VAMP1: variants seen among roughly 807,000 people sequenced by gnomAD.
VAMP1 encodes the protein vesicle-associated membrane protein 1.
Under a neutral mutation model 19.1 loss-of-function variants are expected in VAMP1, and 16 were observed. That is an observed-to-expected ratio of 0.84 (90% CI 0.57 to 1.27). The LOEUF (loss-of-function observed/expected upper bound fraction) is 1.27. Among genes scored for constraint, VAMP1 ranks in the 50% most tolerant of loss-of-function variants. The probability of loss-of-function intolerance (pLI) is 0.00; values close to 1 mark genes in which losing one functional copy is unlikely to be tolerated. For missense variants in VAMP1, 109 were observed against 145.4 expected (o/e 0.75, Z 1.29); for synonymous variants, 37 against 50.2 (o/e 0.74, Z 1.11).
intron 4 of VAMP1, 49 bp from the exon 5 acceptor site, chr12:6,464,535 G>C: frequency 6.8e-7 from 1 of 1,471,096 alleles, no homozygotes; most frequent in Admixed American, 2.7e-5. Flanking sequence ...AAAGAGACAG[G>C]AGAAAACAAG....
At position 6,470,594 on chromosome 12, in the gene VAMP1, G is replaced by C. The variant is rs1480142434; in HGVS notation, c.-63C>G. ...GAGGCTGCGGCGAGACACCCGGTGA[G>C]GGACGCTGCGGCTGAAGTGGACGGA... On this transcript the variant is annotated 5_prime_UTR_variant, in exon 1 of 5. Transcript: ENST00000396308. The C allele has an allele frequency of 6.2e-7, 1 of 1,606,040 alleles. No homozygotes were observed.
In VAMP1 at chr12:6,466,294, A is replaced by AC; in HGVS notation, c.59dup (p.Pro21SerfsTer7). 8 of 1,613,832 alleles carry AC rather than the reference A, an allele frequency of 5.0e-6. No homozygotes were observed. The highest frequency in any genetic ancestry group is 6.8e-6 in the Non-Finnish European group (8 of 1,179,900). On this transcript the variant is annotated frameshift_variant, in exon 2 of 5. Transcript: ENST00000396308. LOFTEE classifies it high-confidence loss of function. ...TCATGTTAGGAGGAGGGCCAGGGGG[A>AC]CCCCCACCTGGGGCAGTCCCTTCTG...
In VAMP1 at chr12:6,464,504, G is replaced by C. The variant is rs1949954642; in HGVS notation, c.341-18C>G. 2 of 1,500,252 alleles carry C rather than the reference G, an allele frequency of 1.3e-6. No homozygotes were observed. 92.9% of individuals were successfully genotyped at this position (1,500,252 alleles called of 1,614,324 possible). On this transcript the variant is annotated intron_variant, in intron 4 of 4. Transcript: ENST00000396308. Reference sequence around the variant, plus strand: ...AAAGTAGACTGGACACAGGAATCAGGAAGTCCCAGACGGAAAAGAGAAAGA... The same window carrying C: ...AAAGTAGACTGGACACAGGAATCAGCAAGTCCCAGACGGAAAAGAGAAAGA...
intron 4 of VAMP1, 144 bp downstream of exon 4, chr12:6,464,746 T>G (rs1403740680): frequency 6.6e-7 from 1 of 1,524,148 alleles, no homozygotes; most frequent in Non-Finnish European, 8.7e-7. Flanking sequence ...CCTTCCCCCG[T>G]CCCGAACCAG....
At position 6,464,150 on chromosome 12, in the gene VAMP1, C is replaced by G. The variant is rs1179186106; in HGVS notation, c.*320G>C. On this transcript the variant is annotated 3_prime_UTR_variant, in exon 5 of 5. Coordinates refer to ENST00000396308, the MANE Select transcript of VAMP1 (RefSeq NM_014231.5). ...GGGCAGCTTCATGGGTACTTCGCCT[C>G]AGCCACTCCCCTCCCTGCCCCTTCC... is the stretch of plus-strand genomic sequence containing the variant. The G allele has an allele frequency of 7.1e-7, 1 of 1,403,010 alleles. No homozygotes were observed. The highest frequency in any genetic ancestry group is 3.4e-5 in the East Asian group (1 of 29,384). The allele number at this position is 1,403,010 out of a possible 1,614,324, so 86.9% of individuals were successfully genotyped here.
chr12:6,464,652 A>G (rs1949958225), intron 4 of VAMP1, 166 bp from the exon 5 acceptor site: 3 of 1,459,138 alleles, frequency 2.1e-6, no homozygotes, highest in Non-Finnish European at 2.7e-6. Flanking sequence ...GCATAGCCCC[A>G]CTTCCTCAGA....
In VAMP1 at chr12:6,463,153, A is replaced by G. The variant is rs374737641; in HGVS notation, c.*1317T>C. 5 of 1,452,934 alleles carry G rather than the reference A, an allele frequency of 3.4e-6. No homozygotes were observed. Among genetic ancestry groups the G allele is most frequent in the South Asian group, 2.9e-5 (2 of 70,048 alleles). 90.0% of individuals were successfully genotyped at this position (1,452,934 alleles called of 1,614,324 possible). ...CTCAGGTTCCACTGTCTATACACACAAACCATGCAAAGAGGAGGAAGAGAA... is the reference window on the plus strand; with the variant it reads ...CTCAGGTTCCACTGTCTATACACACGAACCATGCAAAGAGGAGGAAGAGAA... On this transcript the variant is annotated 3_prime_UTR_variant, in exon 5 of 5. Transcript: ENST00000396308. The surrounding 1 kb of genome is among the most constrained non-coding windows in gnomAD (Gnocchi z 4.0).
intron 1 of VAMP1, 139 bp downstream of exon 1, chr12:6,470,391 G>T: frequency 2.3e-6 from 3 of 1,323,600 alleles, no homozygotes; most frequent in Non-Finnish European, 3.2e-6. Flanking sequence ...GGGGTGGCCC[G>T]GTCCGGAAGC....
chr12:6,463,703 C>G lies in VAMP1; in HGVS notation c.*767G>C. On this transcript the variant is annotated 3_prime_UTR_variant, in exon 5 of 5. Coordinates refer to ENST00000396308, the MANE Select transcript of VAMP1 (RefSeq NM_014231.5). This position sits in a 1 kb window ranked among gnomAD's most constrained non-coding sequence, Gnocchi z 4.0. ...CAGCTAGATGGATTTATTTGGTGCC[C>G]TCATACAGAATGCTGTAGAAAATGT... The G allele has an allele frequency of 8.8e-7, 1 of 1,133,392 alleles. No homozygotes were observed. The highest frequency in any genetic ancestry group is 1.9e-5 in the South Asian group (1 of 51,450). The allele number at this position is 1,133,392 out of a possible 1,614,324, so 70.2% of individuals were successfully genotyped here. A position where few individuals can be genotyped will look rare whatever the true frequency, so the allele number is the denominator to read the frequency against.
Position 6,463,214 on chromosome 12 carries a change from T to G in VAMP1, c.*1256A>C. On this transcript the variant is annotated 3_prime_UTR_variant, in exon 5 of 5. Coordinates refer to ENST00000396308, the MANE Select transcript of VAMP1 (RefSeq NM_014231.5). This position sits in a 1 kb window ranked among gnomAD's most constrained non-coding sequence, Gnocchi z 4.0. ...GTAGAATTCAGACAGGAAAGGGTGGTTCAAAGGGGAATATACTACAGGAAG... is the reference window on the plus strand; with the variant it reads ...GTAGAATTCAGACAGGAAAGGGTGGGTCAAAGGGGAATATACTACAGGAAG... 1 of 1,427,280 alleles carries G rather than the reference T, an allele frequency of 7.0e-7. No homozygotes were observed. The highest frequency in any genetic ancestry group is 9.1e-7 in the Non-Finnish European group (1 of 1,095,016). The allele number at this position is 1,427,280 out of a possible 1,614,324, so 88.4% of individuals were successfully genotyped here. A position where few individuals can be genotyped will look rare whatever the true frequency, so the allele number is the denominator to read the frequency against.
chr12:6,464,672 G>A (rs1269202438), intron 4 of VAMP1, 186 bp from the exon 5 acceptor site: 9 of 1,472,910 alleles, frequency 6.1e-6, no homozygotes, highest in East Asian at 2.4e-5. Flanking sequence ...AACAGGAGGC[G>A]CCATCTCCCT....
chr12:6,466,399 G>C (rs757991144), intron 1 of VAMP1, 48 bp from the exon 2 acceptor site: 53 of 1,580,172 alleles, frequency 3.4e-5, no homozygotes, highest in Middle Eastern at 3.4e-4. Flanking sequence ...AGACAAGAAA[G>C]GAGCTGGGCG....
rs1949919539 is a variant in VAMP1, at chr12:6,462,950, A to C, written c.*1520T>G. On this transcript the variant is annotated 3_prime_UTR_variant, in exon 5 of 5. Transcript: ENST00000396308. ...GAAAGTGGGCATCCAGACCCTGCCC[A>C]GCATGGCCTCAGCCTCTTCCTGTTC... is the stretch of plus-strand genomic sequence containing the variant. 6.4e-7 allele frequency: 1 copy of C among 1,554,416 alleles called. No homozygotes were observed. The highest frequency in any genetic ancestry group is 1.4e-5 in the African/African-American group (1 of 73,238).
At chr12:6,465,429 A>T (rs11064209) in intron 3 of VAMP1, 25 of 103,306 alleles carry the variant, frequency 2.4e-4, no homozygotes, top group East Asian at 3.3e-4. Flanking sequence ...TATATATATA[A>T]ATGTATATAT....
At chr12:6,465,660 C>G (rs1157423830) in intron 3 of VAMP1, among the ~76,000 whole-genome samples, 182 bp downstream of exon 3, 1 of 151,830 alleles carries the variant, frequency 6.6e-6, no homozygotes, top group Non-Finnish European at 1.5e-5. Context: ...TCTAGCCTAC[C>G]CTGGTGGCCA....
chr12:6,470,673 T>C lies in VAMP1; in HGVS notation c.-142A>G. ...CCCCGCGGTCTAGCTGCGCTGGAAC[T>C]TACTGCAGCTGCCGCGCCGGCCTCC... is the stretch of plus-strand genomic sequence containing the variant. On this transcript the variant is annotated 5_prime_UTR_variant, in exon 1 of 5. Transcript: ENST00000396308. The C allele has an allele frequency of 9.4e-7, 1 of 1,063,020 alleles. No homozygotes were observed. Among genetic ancestry groups the C allele is most frequent in the Non-Finnish European group, 1.4e-6 (1 of 710,404 alleles). The allele number at this position is 1,063,020 out of a possible 1,614,324, so 65.8% of individuals were successfully genotyped here.
In VAMP1 at chr12:6,462,411, T is replaced by C. The variant is rs891760516; in HGVS notation, c.*2059A>G. The stretch of plus-strand genomic sequence containing the variant: ...ACAGACACACAGTGGAAACCCCACA[T>C]CGTCTCATGGCAAACCGAAGAACGG... On this transcript the variant is annotated 3_prime_UTR_variant, in exon 5 of 5. Coordinates refer to ENST00000396308, the MANE Select transcript of VAMP1 (RefSeq NM_014231.5). 4 of 500,276 alleles carry C rather than the reference T, an allele frequency of 8.0e-6. No individual in the cohort carries two copies. In the East Asian group the frequency reaches 1.3e-4, roughly 16 times the overall value. The allele number at this position is 500,276 out of a possible 1,614,324, so 31.0% of individuals were successfully genotyped here. A position where few individuals can be genotyped will look rare whatever the true frequency, so the allele number is the denominator to read the frequency against.
At chr12:6,467,933 G>A (rs1945669409) in intron 1 of VAMP1, among the ~76,000 whole-genome samples, 2 of 152,006 alleles carry the variant, frequency 1.3e-5, no homozygotes, top group Non-Finnish European at 2.9e-5. Context: ...GGCAAGAACT[G>A]AGGTTCGGGA....
chr12:6,464,584 T>C, intron 4 of VAMP1, 98 bp from the exon 5 acceptor site: 37 of 1,461,394 alleles, frequency 2.5e-5, no homozygotes, highest in Non-Finnish European at 3.3e-5. Context: ...TTCAGGTCTC[T>C]CCATTGTTAA....
Sources: allele counts gnomAD v4.1 joint callset (sites outside exome capture counted in the v4.1 genomes callset), GRCh38; gene constraint gnomAD v4.1.1; non-coding constraint Gnocchi (gnomAD v3.1); transcripts MANE v1.5; gene names NCBI Gene and HGNC (gene_info 2026-07-23, HGNC 2026-07-21).